AP3S1: variants seen among roughly 807,000 people sequenced by gnomAD.
AP3S1 encodes adaptor related protein complex 3 subunit sigma 1, also known as AP-3 complex subunit sigma-1.
AP3S1 carries 12 observed loss-of-function variants against 21.3 expected under a neutral mutation model. That is an observed-to-expected ratio of 0.56 (90% CI 0.36 to 0.91). The LOEUF is 0.91. AP3S1 is among the 40% of genes least tolerant of loss of function. The pLI is 0.01. For missense variants in AP3S1, 116 were observed against 225.0 expected (o/e 0.52, Z 3.10); for synonymous variants, 48 against 78.4 (o/e 0.61, Z 2.05).
chr5:115,906,254 A>G (rs1035766546), intron 5 of AP3S1, among the ~76,000 whole-genome samples: 1 of 152,226 alleles, frequency 6.6e-6, no homozygotes, highest in Non-Finnish European at 1.5e-5. Flanking sequence ...TATTTAAGTA[A>G]TATCTTAGGA....
At chr5:115,891,768 A>G (rs1324580215) in intron 3 of AP3S1, among the ~76,000 whole-genome samples, 1 of 152,122 alleles carries the variant, frequency 6.6e-6, no homozygotes, top group African/African-American at 2.4e-5. Flanking sequence ...GTATTCCTGG[A>G]AAAGCCACAG....
At chr5:115,883,476 C>G (rs369244515) in intron 3 of AP3S1, among the ~76,000 whole-genome samples, 2 of 152,206 alleles carry the variant, frequency 1.3e-5, no homozygotes, top group Non-Finnish European at 2.9e-5. Flanking sequence ...CAACCCCTTA[C>G]GCTTCCTAGG....
chr5:115,891,210 C>A (rs1275024337), intron 3 of AP3S1, among the ~76,000 whole-genome samples: 2 of 152,160 alleles, frequency 1.3e-5, no homozygotes, highest in African/African-American at 2.4e-5. Context: ...TCACTTGTGG[C>A]TGACCTGTTG....
At chr5:115,905,241 A>C (rs948682547) in intron 5 of AP3S1, among the ~76,000 whole-genome samples, 1 of 152,240 alleles carries the variant, frequency 6.6e-6, no homozygotes, top group African/African-American at 2.4e-5. Context: ...AACTTCGTTA[A>C]TGAGGCAATT....
chr5:115,861,865 CTTTTTTTTTTTTT>C lies in AP3S1; in HGVS notation c.70-4798_70-4786del, dbSNP rs113923492. On this transcript the variant is annotated intron_variant, in intron 1 of 5. Coordinates refer to ENST00000316788, the MANE Select transcript of AP3S1 (RefSeq NM_001284.4). ...CCAGGCCAAAATTTTCTTTTCTTTT[CTTTTTTTTTTTTT>C]TTTTTTGAGATGGGGTCTCGCTATG... is the stretch of plus-strand genomic sequence containing the variant. Among the ~76,000 whole-genome samples, 97 of 110,612 alleles carry C rather than the reference CTTTTTTTTTTTTT, an allele frequency of 8.8e-4. 1 individual carries two copies. The highest frequency in any genetic ancestry group is 3.4e-3 in the African/African-American group (95 of 27,822). The allele number at this position is 110,612 out of a possible 152,430, so 72.6% of individuals were successfully genotyped here. A position where few individuals can be genotyped will look rare whatever the true frequency, so the allele number is the denominator to read the frequency against.
rs530278072 is a variant in AP3S1, at chr5:115,904,600, A to T, written c.453+1608A>T. 7.2e-5 allele frequency among the ~76,000 whole-genome samples: 11 copies of T among 152,318 alleles called. No individual in the cohort carries two copies. In the East Asian group the frequency reaches 1.9e-3, roughly 27 times the overall value. ...TTTGTTTGTCCTATAGCCAATTTTT[A>T]AAATATTGGCTTTTGAAAGTGGAAA... On this transcript the variant is annotated intron_variant, in intron 5 of 5. Coordinates refer to ENST00000316788, the MANE Select transcript of AP3S1 (RefSeq NM_001284.4).
chr5:115,850,383 A>G (rs1762356193), intron 1 of AP3S1, among the ~76,000 whole-genome samples: 2 of 152,248 alleles, frequency 1.3e-5, no homozygotes, highest in South Asian at 4.1e-4. Flanking sequence ...AAAATTTATC[A>G]TTTTAACAGT....
intron 3 of AP3S1, among the ~76,000 whole-genome samples, chr5:115,881,829 G>T (rs1749321864): frequency 6.6e-6 from 1 of 152,006 alleles, no homozygotes; most frequent in Non-Finnish European, 1.5e-5. Flanking sequence ...GTCACTTTCA[G>T]GTACACCAAT....
At chr5:115,861,465 G>GCA (rs1396799235) in intron 1 of AP3S1, among the ~76,000 whole-genome samples, 1 of 152,146 alleles carries the variant, frequency 6.6e-6, no homozygotes, top group East Asian at 1.9e-4. Flanking sequence ...AACACGGCTT[G>GCA]CACATCTTTG....
intron 4 of AP3S1, among the ~76,000 whole-genome samples, chr5:115,899,399 A>G (rs1325207884): frequency 6.6e-6 from 1 of 152,236 alleles, no homozygotes; most frequent in African/African-American, 2.4e-5. Context: ...ATTACGCTCC[A>G]TGGAAAAGAA....
intron 1 of AP3S1, among the ~76,000 whole-genome samples, chr5:115,854,601 A>G (rs2112791257): frequency 6.6e-6 from 1 of 151,592 alleles, no homozygotes; most frequent in Middle Eastern, 3.4e-3. Context: ...CACTAACTGA[A>G]TTTTCTTTGC....
At chr5:115,897,917 A>G (rs1181108376) in intron 4 of AP3S1, among the ~76,000 whole-genome samples, 1 of 152,132 alleles carries the variant, frequency 6.6e-6, no homozygotes, top group Non-Finnish European at 1.5e-5. Context: ...CAACCCTCAG[A>G]CTGCTTCTGG....
intron 5 of AP3S1, chr5:115,906,765 CT>C (rs1294652162): frequency 1.3e-5 from 18 of 1,338,430 alleles, no homozygotes; most frequent in Admixed American, 5.3e-5. Context: ...AGTCAGTCCT[CT>C]TTTTTTTCCG....
intron 3 of AP3S1, among the ~76,000 whole-genome samples, chr5:115,872,342 A>G (rs1748339236): frequency 6.6e-6 from 1 of 152,126 alleles, no homozygotes; most frequent in Admixed American, 6.6e-5. Context: ...TGATAAATTG[A>G]TCTATTTGTA....
chr5:115,876,011 T>G (rs548257658), intron 3 of AP3S1, among the ~76,000 whole-genome samples: 1 of 152,336 alleles, frequency 6.6e-6, no homozygotes. Context: ...ACATGTTTCA[T>G]TGATGTCTTA....
chr5:115,849,571 T>C (rs1240871784), intron 1 of AP3S1, among the ~76,000 whole-genome samples: 1 of 152,160 alleles, frequency 6.6e-6, no homozygotes, highest in Admixed American at 6.5e-5. Flanking sequence ...TAATTCAGTT[T>C]GATGACATCA....
chr5:115,905,643 C>G (rs918774971), intron 5 of AP3S1, among the ~76,000 whole-genome samples: 4 of 152,080 alleles, frequency 2.6e-5, no homozygotes, highest in African/African-American at 9.7e-5. Context: ...TTTTTCGTAG[C>G]TTTTGTATAT....
chr5:115,909,491 A>T (rs1185161977), intron 5 of AP3S1, among the ~76,000 whole-genome samples: 1 of 152,156 alleles, frequency 6.6e-6, no homozygotes, highest in Non-Finnish European at 1.5e-5. Context: ...CATGGGAGAG[A>T]AAACATGATC....
At chr5:115,895,214 G>T in intron 4 of AP3S1, 56 bp downstream of exon 4, 2 of 1,222,094 alleles carry the variant, frequency 1.6e-6, no homozygotes, top group Non-Finnish European at 2.3e-6. Flanking sequence ...ACTTATAATT[G>T]TCATAGCAAA....
Sources: gnomAD v4.1 joint callset for allele counts (sites outside exome capture counted in the v4.1 genomes callset) on GRCh38, gnomAD v4.1.1 for gene constraint, MANE v1.5 for transcripts, NCBI Gene and HGNC (gene_info 2026-07-23, HGNC 2026-07-21) for gene names.